LRPPRC: variants seen among roughly 807,000 people sequenced by gnomAD.
LRPPRC encodes leucine-rich PPR motif-containing protein, mitochondrial.
In LRPPRC, 120 loss-of-function variants were observed where a neutral mutation model predicts 180.3. That is an observed-to-expected ratio of 0.67 (90% CI 0.57 to 0.77). The LOEUF (loss-of-function observed/expected upper bound fraction) is 0.77, where lower values mean the gene tolerates loss of function less well. Ranked by LOEUF, LRPPRC falls within the 30% of genes least tolerant of loss-of-function variation. The pLI is 0.00. For synonymous variants in LRPPRC, 723 were observed against 600.0 expected (o/e 1.21, Z -3.00); for missense variants, 2,012 against 1,657.2 (o/e 1.21, Z -3.72).
intron 35 of LRPPRC, among the ~76,000 whole-genome samples, chr2:43,895,453 C>T (rs775204877): frequency 5.3e-5 from 8 of 152,170 alleles, no homozygotes; most frequent in Non-Finnish European, 1.0e-4. Flanking sequence ...GTGCATTTCC[C>T]GTCCCATCTC....
intron 14 of LRPPRC, among the ~76,000 whole-genome samples, chr2:43,953,653 C>T (rs548486603): frequency 2.8e-4 from 43 of 152,270 alleles, no homozygotes; most frequent in African/African-American, 1.0e-3. Context: ...TCAGGGGAGA[C>T]GCAGAGCACC....
chr2:43,974,388 T>C (rs888569090), intron 8 of LRPPRC, 93 bp from the exon 9 acceptor site: 29 of 988,040 alleles, frequency 2.9e-5, no homozygotes, highest in East Asian at 7.3e-5. Context: ...AAATAAGAAT[T>C]GCAAACATCA....
intron 11 of LRPPRC, among the ~76,000 whole-genome samples, chr2:43,971,048 C>T (rs889406215): frequency 2.0e-5 from 3 of 149,754 alleles, no homozygotes; most frequent in Non-Finnish European, 3.0e-5. Flanking sequence ...TGCAGGGAGC[C>T]GAGATAGTGC....
At chr2:43,955,770 A>G (rs186424695) in intron 14 of LRPPRC, among the ~76,000 whole-genome samples, 3 of 152,172 alleles carry the variant, frequency 2.0e-5, no homozygotes, top group Non-Finnish European at 4.4e-5. Context: ...GTGAACTACC[A>G]ATAACTGATT....
intron 1 of LRPPRC, among the ~76,000 whole-genome samples, chr2:43,982,878 T>G (rs1674372959): frequency 6.6e-6 from 1 of 151,860 alleles, no homozygotes; most frequent in Non-Finnish European, 1.5e-5. Context: ...TTTCTAGGTA[T>G]AAGCTTACTA....
At chr2:43,901,619 G>T in intron 31 of LRPPRC, 95 bp from the exon 32 acceptor site, 3 of 764,552 alleles carry the variant, frequency 3.9e-6, no homozygotes, top group Non-Finnish European at 7.0e-6. Flanking sequence ...GCACCAAATG[G>T]CCATAAACAA....
intron 7 of LRPPRC, 60 bp downstream of exon 7, chr2:43,975,031 A>T (rs984047827): frequency 3.2e-6 from 5 of 1,566,422 alleles, no homozygotes; most frequent in Non-Finnish European, 3.5e-6. Context: ...CCTCATGTAA[A>T]ACATAACACA....
chr2:43,934,208 C>G lies in LRPPRC; in HGVS notation c.2718G>C (p.Glu906Asp), dbSNP rs2105059251. 6.2e-7 allele frequency: 1 copy of G among 1,600,812 alleles called. No homozygotes were observed. Among genetic ancestry groups the G allele is most frequent in the Non-Finnish European group, 8.6e-7 (1 of 1,168,436 alleles). Residue 906 changes from glutamate to aspartate, a missense_variant, in exon 25 of 38, where the codon GAG becomes GAC. Transcript: ENST00000260665. ...FAFLQTGNYK[E>D]AKKIIETPGI... ...ATCACACCTCAATGATCTTCTTGGC[C>G]TCTTTGTAATTTCCTGTTTGTAGGA...
chr2:43,910,734 G>C (rs890388903), intron 30 of LRPPRC, among the ~76,000 whole-genome samples: 2 of 152,094 alleles, frequency 1.3e-5, no homozygotes, highest in Non-Finnish European at 2.9e-5. Context: ...GGCTGAATCA[G>C]AATCTTTGTG....
At chr2:43,898,123 A>G (rs1288218611) in intron 34 of LRPPRC, among the ~76,000 whole-genome samples, 1 of 151,914 alleles carries the variant, frequency 6.6e-6, no homozygotes, top group African/African-American at 2.4e-5. Context: ...AAGCAAAACA[A>G]GAAAATTCCC....
chr2:43,973,536 A>G (rs2103709857), intron 11 of LRPPRC, 71 bp downstream of exon 11: 1 of 932,640 alleles, frequency 1.1e-6, no homozygotes, highest in East Asian at 2.4e-5. Context: ...AAAGAATCCA[A>G]TTAGATGTGC....
intron 21 of LRPPRC, among the ~76,000 whole-genome samples, 161 bp from the exon 22 acceptor site, chr2:43,945,578 T>A (rs1672652122): frequency 6.6e-6 from 1 of 152,056 alleles, no homozygotes; most frequent in Non-Finnish European, 1.5e-5. Context: ...ATATACAAGT[T>A]CACACGAAAT....
chr2:43,948,327 G>C, intron 17 of LRPPRC, 85 bp downstream of exon 17: 1 of 947,404 alleles, frequency 1.1e-6, no homozygotes, highest in East Asian at 2.4e-5. Flanking sequence ...GAAGTGGTCT[G>C]GTTGTACTTA....
chr2:43,959,241 A>G lies in LRPPRC; in HGVS notation c.1582+1300T>C, dbSNP rs1673241196. 5.6e-6 allele frequency: 4 copies of G among 713,682 alleles called. No homozygotes were observed. The East Asian group carries it at 1.1e-4, about 19-fold the overall frequency. The allele number at this position is 713,682 out of a possible 1,614,324, so 44.2% of individuals were successfully genotyped here. On this transcript the variant is annotated intron_variant, in intron 13 of 37. Transcript: ENST00000260665. ...AAAATCTATATAGTATACAGAGTGG[A>G]AGGCAAAATCAATACACTCAGATAG...
chr2:43,930,476 T>C (rs141157864), intron 25 of LRPPRC, among the ~76,000 whole-genome samples: 1 of 152,308 alleles, frequency 6.6e-6, no homozygotes, highest in Non-Finnish European at 1.5e-5. Flanking sequence ...GGAATATCTG[T>C]ATTATTTACT....
At chr2:43,904,125 A>T (rs911734196) in intron 31 of LRPPRC, among the ~76,000 whole-genome samples, 1 of 152,044 alleles carries the variant, frequency 6.6e-6, no homozygotes, top group Non-Finnish European at 1.5e-5. Flanking sequence ...AATTTTTTGT[A>T]GAGACAAGGT....
chr2:43,935,472 C>T (rs755124083), intron 23 of LRPPRC, among the ~76,000 whole-genome samples: 23 of 152,140 alleles, frequency 1.5e-4, no homozygotes, highest in Non-Finnish European at 2.1e-4. Flanking sequence ...CTAGGATATT[C>T]GTGTTGGTCA....
rs1432416109 is a variant in LRPPRC, at chr2:43,979,917, T to C, written c.378A>G (p.Leu126=). Residue 126 remains leucine (L), a synonymous_variant, in exon 3 of 38, where the codon CTA becomes CTG. Coordinates refer to ENST00000260665, the MANE Select transcript of LRPPRC (RefSeq NM_133259.4). ...GCAAGAGAGAACCACAACTACGTAG[T>C]AGAAGCAAGGCATGACTACCACCTA... The part of the protein sequence containing the change: ...GGLGGSHALL[L]LRSCGSLLPE... The C allele has an allele frequency of 1.9e-6, 3 of 1,613,688 alleles. No homozygotes were observed. The highest frequency in any genetic ancestry group is 1.1e-5 in the South Asian group (1 of 91,074).
At chr2:43,942,790 A>C (rs963067600) in intron 23 of LRPPRC, among the ~76,000 whole-genome samples, 1 of 152,156 alleles carries the variant, frequency 6.6e-6, no homozygotes, top group Admixed American at 6.6e-5. Flanking sequence ...CGTTTCAGTC[A>C]AATTCAGCTC....
Sources: allele counts gnomAD v4.1 joint callset (sites outside exome capture counted in the v4.1 genomes callset), GRCh38; gene constraint gnomAD v4.1.1; transcripts MANE v1.5; gene names NCBI Gene and HGNC (gene_info 2026-07-23, HGNC 2026-07-21).